The following TCF4 variants were observed in gnomAD, a reference collection of about 807,000 sequenced individuals.
TCF4 encodes transcription factor 4, also known as SL3-3 enhancer factor 2.
TCF4 carries 3 observed loss-of-function variants against 82.1 expected under a neutral mutation model. That is an observed-to-expected ratio of 0.04 (90% CI 0.02 to 0.09). TCF4 has a LOEUF of 0.09. Ranked by LOEUF, TCF4 falls within the 10% of genes least tolerant of loss-of-function variation. The pLI is 1.00. For missense variants in TCF4, 518 were observed against 852.7 expected (o/e 0.61, Z 4.89); for synonymous variants, 276 against 309.6 (o/e 0.89, Z 1.14).
At chr18:55,229,163 A>C in intron 17 of TCF4, 87 bp from the exon 18 acceptor site, 1 of 1,508,772 alleles carries the variant, frequency 6.6e-7, no homozygotes. Flanking sequence ...CAGAGTTTTC[A>C]GGGAACTTTT....
intron 16 of TCF4, among the ~76,000 whole-genome samples, chr18:55,233,882 T>C (rs72925010): frequency 0.027 from 3,997 of 150,332 alleles, 91 homozygotes; most frequent in Non-Finnish European, 0.039. Flanking sequence ...GACATACCCA[T>C]ACATATAATT....
chr18:55,301,341 C>T (rs761986683), intron 8 of TCF4, among the ~76,000 whole-genome samples: 12 of 152,178 alleles, frequency 7.9e-5, no homozygotes, highest in Non-Finnish European at 1.2e-4. Flanking sequence ...ATACGGCTCT[C>T]GCCTCTGCAT....
At chr18:55,413,433 T>C (rs2146747492) in intron 5 of TCF4, among the ~76,000 whole-genome samples, 1 of 152,236 alleles carries the variant, frequency 6.6e-6, no homozygotes, top group South Asian at 2.1e-4. Flanking sequence ...TATAGAAGAA[T>C]GATGTTTTCC....
intron 2 of TCF4, among the ~76,000 whole-genome samples, chr18:55,611,172 A>C (rs2097706651): frequency 6.6e-6 from 1 of 152,202 alleles, no homozygotes; most frequent in South Asian, 2.1e-4. Context: ...CAAGATAAGC[A>C]GCTGATTGGG....
intron 6 of TCF4, among the ~76,000 whole-genome samples, chr18:55,374,844 G>C (rs1407456299): frequency 8.2e-6 from 1 of 121,730 alleles, no homozygotes; most frequent in Non-Finnish European, 1.6e-5. Flanking sequence ...CTCCATTCCA[G>C]TTTTGAGGAT....
chr18:55,505,078 G>T (rs1175393489), intron 3 of TCF4, among the ~76,000 whole-genome samples: 1 of 152,094 alleles, frequency 6.6e-6, no homozygotes, highest in African/African-American at 2.4e-5. Flanking sequence ...TAGGTTATTG[G>T]CATTTTTTTC....
intron 8 of TCF4, chr18:55,302,545 C>G: frequency 6.5e-7 from 1 of 1,535,718 alleles, no homozygotes; most frequent in Non-Finnish European, 8.7e-7. Flanking sequence ...TTCAATCTGA[C>G]ACACAAGGAG....
At chr18:55,346,162 C>T (rs2081130936) in intron 8 of TCF4, among the ~76,000 whole-genome samples, 1 of 151,938 alleles carries the variant, frequency 6.6e-6, no homozygotes, top group Admixed American at 6.6e-5. Flanking sequence ...TTCTTGATAC[C>T]CCTAATAATT....
chr18:55,404,238 C>T (rs890508808), intron 5 of TCF4: 12 of 167,578 alleles, frequency 7.2e-5, no homozygotes, highest in Non-Finnish European at 1.2e-4. Flanking sequence ...ATAGACCCTT[C>T]GATGCTATTC....
At chr18:55,575,726 CT>C (rs1395640109) in intron 3 of TCF4, among the ~76,000 whole-genome samples, 1 of 152,118 alleles carries the variant, frequency 6.6e-6, no homozygotes, top group Non-Finnish European at 1.5e-5. Flanking sequence ...GAGAAAGACA[CT>C]TTAATCTGAA....
intron 2 of TCF4, among the ~76,000 whole-genome samples, chr18:55,622,699 T>C (rs1382274668): frequency 4.6e-5 from 7 of 152,126 alleles, no homozygotes. Context: ...CTGATGAAAC[T>C]GGGTCTCCAG....
chr18:55,544,392 C>T (rs951310518), intron 3 of TCF4, among the ~76,000 whole-genome samples: 1 of 152,120 alleles, frequency 6.6e-6, no homozygotes, highest in South Asian at 2.1e-4. Flanking sequence ...GAAAGGTAAA[C>T]AAATCACAGA....
chr18:55,625,830 A>G (rs1192661349), intron 2 of TCF4, among the ~76,000 whole-genome samples: 1 of 152,230 alleles, frequency 6.6e-6, no homozygotes, highest in African/African-American at 2.4e-5. Context: ...TTCCTTTGAT[A>G]TATCCATCCA....
intron 8 of TCF4, among the ~76,000 whole-genome samples, chr18:55,292,712 G>GTGTA (rs1197479462): frequency 1.3e-5 from 2 of 151,546 alleles, no homozygotes; most frequent in Admixed American, 1.3e-4. Context: ...GTGTGTGTGT[G>GTGTA]TATACACGTA....
rs372100119 is a variant in TCF4 at position 55,508,137 on chromosome 18, C to T, written c.146-44000G>A. On this transcript the variant is annotated intron_variant, in intron 3 of 19. Transcript: ENST00000354452. ...CCAACACACACAATATACCCCAAAA[C>T]TTTCTCCCACCCCCCACCAACAAAA... 3.7e-4 allele frequency among the ~76,000 whole-genome samples: 56 copies of T among 152,226 alleles called. 1 individual carries two copies. In the South Asian group the frequency reaches 9.3e-3, roughly 25 times the overall value.
At chr18:55,251,449 A>C (rs1397672597) in intron 15 of TCF4, among the ~76,000 whole-genome samples, 3 of 152,332 alleles carry the variant, frequency 2.0e-5, no homozygotes, top group South Asian at 4.1e-4. Flanking sequence ...ATGAGATAAC[A>C]TAACAGCCGA....
intron 2 of TCF4, among the ~76,000 whole-genome samples, chr18:55,595,734 G>A (rs2097690210): frequency 6.6e-6 from 1 of 152,170 alleles, no homozygotes; most frequent in Non-Finnish European, 1.5e-5. Context: ...TAGCCTTCTA[G>A]AAGTTTCCTC....
chr18:55,406,888 G>A (rs1431315732), intron 5 of TCF4, among the ~76,000 whole-genome samples: 3 of 152,212 alleles, frequency 2.0e-5, no homozygotes, highest in South Asian at 2.1e-4. Context: ...TGCGACAGCC[G>A]CTGCGGATAT....
intron 17 of TCF4, chr18:55,232,217 T>C: frequency 3.1e-6 from 1 of 324,430 alleles, no homozygotes; most frequent in Non-Finnish European, 5.7e-6. Context: ...TGACCAAATT[T>C]GTAGAATAAG....
Sources: gnomAD v4.1 joint callset for allele counts (sites outside exome capture counted in the v4.1 genomes callset) on GRCh38, gnomAD v4.1.1 for gene constraint, MANE v1.5 for transcripts, NCBI Gene and HGNC (gene_info 2026-07-23, HGNC 2026-07-21) for gene names.